Variants in SNTB2 observed in about 807,000 individuals in gnomAD.
SNTB2 encodes beta-2-syntrophin.
A neutral mutation model predicts 46.2 loss-of-function variants in SNTB2; 34 were observed. The ratio of observed to expected loss-of-function variants is 0.74; its 90% CI spans 0.56 to 0.98. The LOEUF (loss-of-function observed/expected upper bound fraction) is 0.98, where lower values mean the gene tolerates loss of function less well. Ranked by LOEUF, SNTB2 falls within the 50% of genes least tolerant of loss-of-function variation. The probability of loss-of-function intolerance (pLI) is 0.00; values close to 1 mark genes in which losing one functional copy is unlikely to be tolerated. For missense variants in SNTB2, 603 were observed against 731.4 expected (o/e 0.82, Z 2.02); for synonymous variants, 290 against 312.6 (o/e 0.93, Z 0.76).
intron 1 of SNTB2, among the ~76,000 whole-genome samples, chr16:69,207,515 A>G (rs868205622): frequency 1.3e-5 from 2 of 152,190 alleles, no homozygotes; most frequent in East Asian, 1.9e-4. Context: ...ATGTTGACCA[A>G]TTATAAAGTA....
chr16:69,271,556 T>C (rs1372436444), intron 4 of SNTB2, among the ~76,000 whole-genome samples: 1 of 152,194 alleles, frequency 6.6e-6, no homozygotes, highest in Non-Finnish European at 1.5e-5. Context: ...TAAGTTATAG[T>C]TTCTCTGTCA....
In SNTB2 at chr16:69,280,316, C is replaced by T. The variant is rs959244265; in HGVS notation, c.1149-3732C>T. On this transcript the variant is annotated intron_variant, in intron 4 of 6. Coordinates refer to ENST00000336278, the MANE Select transcript of SNTB2 (RefSeq NM_006750.4). Reference sequence around the variant, plus strand: ...TTCTCAATCCTTTCCCCACCTTTCCCCCCTTTCTATTCCACAAAACCGCCA... The same window carrying T: ...TTCTCAATCCTTTCCCCACCTTTCCTCCCTTTCTATTCCACAAAACCGCCA... Among the ~76,000 whole-genome samples the T allele has an allele frequency of 5.3e-5, 8 of 152,246 alleles. No homozygotes were observed. In the East Asian group the frequency reaches 9.6e-4, roughly 18 times the overall value.
chr16:69,216,788 A>G lies in SNTB2; in HGVS notation c.581-28814A>G, dbSNP rs369154554. On this transcript the variant is annotated intron_variant, in intron 1 of 6. Coordinates refer to ENST00000336278, the MANE Select transcript of SNTB2 (RefSeq NM_006750.4). The stretch of plus-strand genomic sequence containing the variant: ...GAAGCACAATCTCTTCTAAAAAGTA[A>G]TAACCTTCTTTTGAAAAATAGTATT... 4.7e-4 allele frequency among the ~76,000 whole-genome samples: 71 copies of G among 152,284 alleles called. No individual in the cohort carries two copies. The South Asian group carries it at 0.014, about 31-fold the overall frequency.
intron 1 of SNTB2, among the ~76,000 whole-genome samples, chr16:69,191,877 G>C (rs534182200): frequency 9.9e-5 from 15 of 152,230 alleles, no homozygotes; most frequent in African/African-American, 2.4e-4. Flanking sequence ...TCCTGACCTC[G>C]TGATCTGCCT....
chr16:69,265,463 G>C (rs950462953), intron 3 of SNTB2, among the ~76,000 whole-genome samples: 4 of 152,094 alleles, frequency 2.6e-5, no homozygotes, highest in Admixed American at 6.6e-5. Flanking sequence ...AAGGGATTAA[G>C]GGATTTGGGA....
intron 4 of SNTB2, among the ~76,000 whole-genome samples, chr16:69,281,503 T>G (rs544721213): frequency 1.2e-3 from 188 of 151,850 alleles, no homozygotes; most frequent in African/African-American, 1.7e-3. Context: ...TTTTTTGTTT[T>G]TTTTTTTTTA....
chr16:69,300,025 G>T (rs1371255998), intron 6 of SNTB2, among the ~76,000 whole-genome samples: 1 of 151,936 alleles, frequency 6.6e-6, no homozygotes, highest in Non-Finnish European at 1.5e-5. Flanking sequence ...CTGAGTAACT[G>T]GGACTGGACT....
intron 5 of SNTB2, among the ~76,000 whole-genome samples, chr16:69,297,778 G>C (rs1567417824): frequency 6.6e-6 from 1 of 151,990 alleles, no homozygotes; most frequent in Non-Finnish European, 1.5e-5. Context: ...GCCGGGCGTG[G>C]TGGTGTACAT....
At chr16:69,289,958 G>A (rs768813667) in intron 5 of SNTB2, among the ~76,000 whole-genome samples, 4 of 152,150 alleles carry the variant, frequency 2.6e-5, no homozygotes, top group Non-Finnish European at 4.4e-5. Flanking sequence ...ATTCAGAACT[G>A]TCTGTTAAAA....
At chr16:69,198,883 A>G (rs1597169042) in intron 1 of SNTB2, among the ~76,000 whole-genome samples, 1 of 151,540 alleles carries the variant, frequency 6.6e-6, no homozygotes, top group Non-Finnish European at 1.5e-5. Context: ...TCAGAGATTT[A>G]GAATATAATA....
At chr16:69,225,395 C>T (rs1964449052) in intron 1 of SNTB2, among the ~76,000 whole-genome samples, 1 of 152,236 alleles carries the variant, frequency 6.6e-6, no homozygotes, top group South Asian at 2.1e-4. Context: ...AACAAAAATA[C>T]GGATAACGAT....
intron 1 of SNTB2, among the ~76,000 whole-genome samples, chr16:69,204,145 A>G (rs1258443838): frequency 7.2e-6 from 1 of 138,154 alleles, no homozygotes; most frequent in Non-Finnish European, 1.6e-5. Flanking sequence ...CACCAGCCTC[A>G]GTTTCCCAAA....
In SNTB2 at chr16:69,308,136, G is replaced by A. The variant is rs1464277832; in HGVS notation, c.*7212G>A. The A allele has an allele frequency of 6.6e-6, 1 of 152,626 alleles. No individual in the cohort carries two copies. The highest frequency in any genetic ancestry group is 1.5e-5 in the Non-Finnish European group (1 of 68,032). The allele number at this position is 152,626 out of a possible 1,614,324, so 9.5% of individuals were successfully genotyped here. ...ACAAAAATTAGGTCATGCCTTCAGT[G>A]TCTTGTTCTTTAAACCTACCCTTTG... On this transcript the variant is annotated 3_prime_UTR_variant, in exon 7 of 7. Transcript: ENST00000336278.
Position 69,187,366 on chromosome 16 carries a change from C to A in SNTB2, c.200C>A (p.Ala67Asp). 1 of 1,388,956 alleles carries A rather than the reference C, an allele frequency of 7.2e-7. No individual in the cohort carries two copies. The highest frequency in any genetic ancestry group is 9.3e-7 in the Non-Finnish European group (1 of 1,070,390). The allele number at this position is 1,388,956 out of a possible 1,614,324, so 86.0% of individuals were successfully genotyped here. Residue 67 changes from alanine to aspartate, a missense_variant, in exon 1 of 7, where the codon GCC becomes GAC. By Grantham distance (126) the Ala-to-Asp change is moderately radical. This residue lies in a region of SNTB2 where 537 missense variants were observed against 692.4 expected (regional missense o/e 0.78). Coordinates refer to ENST00000336278, the MANE Select transcript of SNTB2 (RefSeq NM_006750.4). ...CTGGAGCCCGCTCTGGGACCCGCGG[C>A]CGCCGCCTTCAACGGCCTCCCAAAC... Reference protein sequence around the residue: ...AELEPALGPAAAAFNGLPNGG... With the variant: ...AELEPALGPADAAFNGLPNGG...
chr16:69,212,730 G>A (rs1964301407), intron 1 of SNTB2, among the ~76,000 whole-genome samples: 1 of 152,126 alleles, frequency 6.6e-6, no homozygotes. Flanking sequence ...CGCCTCCTGG[G>A]TTCAAGCGAT....
intron 1 of SNTB2, among the ~76,000 whole-genome samples, chr16:69,210,945 T>G (rs1453950215): frequency 1.3e-5 from 2 of 151,952 alleles, no homozygotes; most frequent in Non-Finnish European, 2.9e-5. Flanking sequence ...GAGCCGAGAT[T>G]GCACCACTCC....
At chr16:69,206,275 C>T (rs1321492841) in intron 1 of SNTB2, among the ~76,000 whole-genome samples, 1 of 152,188 alleles carries the variant, frequency 6.6e-6, no homozygotes, top group Non-Finnish European at 1.5e-5. Flanking sequence ...GCTGGAATTA[C>T]AGGCATGAGT....
At position 69,304,107 on chromosome 16, in the gene SNTB2, C is replaced by T. The variant is rs531622182; in HGVS notation, c.*3183C>T. 6.6e-6 allele frequency: 1 copy of T among 152,232 alleles called. No individual in the cohort carries two copies. Among genetic ancestry groups the T allele is most frequent in the East Asian group, 1.9e-4 (1 of 5,186 alleles). 9.4% of individuals were successfully genotyped at this position (152,232 alleles called of 1,614,324 possible). A position where few individuals can be genotyped will look rare whatever the true frequency, so the allele number is the denominator to read the frequency against. On this transcript the variant is annotated 3_prime_UTR_variant, in exon 7 of 7. Transcript: ENST00000336278. Reference sequence around the variant, plus strand: ...TTCTCCTAAAACTTCTCTCCTTTCTCTCCATAAAAAGAAAAGGAAAGGAAC... The same window carrying T: ...TTCTCCTAAAACTTCTCTCCTTTCTTTCCATAAAAAGAAAAGGAAAGGAAC...
chr16:69,300,845 A>G lies in SNTB2; in HGVS notation c.1544A>G (p.His515Arg). Residue 515 changes from histidine to arginine, a missense_variant, in exon 7 of 7, where the codon CAC (histidine) becomes CGC (arginine). Physicochemically the swap from His to Arg is conservative, Grantham distance 29 (BLOSUM62 0). Around this residue, in one of 2 missense-constraint regions of SNTB2, gnomAD observed 537 missense variants for 692.4 expected, o/e 0.78. Coordinates refer to ENST00000336278, the MANE Select transcript of SNTB2 (RefSeq NM_006750.4). ...GPEGELTMDL[H>R]SCPKPIVFVL... ...CTTTCTCCACAGACCATGGACCTGC[A>G]CTCTTGTCCGAAGCCGATTGTATTT... 6.2e-7 allele frequency: 1 copy of G among 1,613,162 alleles called. No homozygotes were observed. Among genetic ancestry groups the G allele is most frequent in the Non-Finnish European group, 8.5e-7 (1 of 1,179,238 alleles).
Sources: gnomAD v4.1 joint callset for allele counts (sites outside exome capture counted in the v4.1 genomes callset) on GRCh38, gnomAD v4.1.1 for gene constraint, gnomAD v4.1.1 regional missense constraint, MANE v1.5 for transcripts, NCBI Gene and HGNC (gene_info 2026-07-23, HGNC 2026-07-21) for gene names.